The following CTNND2 variants were observed in gnomAD, a reference collection of about 807,000 sequenced individuals.
CTNND2 encodes the protein catenin delta-2.
Under a neutral mutation model 144.4 loss-of-function variants are expected in CTNND2, and 22 were observed. That is an observed-to-expected ratio of 0.15 (90% CI 0.11 to 0.22). CTNND2 has a LOEUF of 0.22. CTNND2 is among the 10% of genes least tolerant of loss of function. The pLI is 1.00. For synonymous variants in CTNND2, 751 were observed against 695.6 expected (o/e 1.08, Z -1.25); for missense variants, 1,353 against 1,618.8 (o/e 0.84, Z 2.82).
At chr5:11,368,491 C>T (rs1757178522) in intron 7 of CTNND2, among the ~76,000 whole-genome samples, 1 of 152,146 alleles carries the variant, frequency 6.6e-6, no homozygotes, top group Non-Finnish European at 1.5e-5. Context: ...GAAGGGACCA[C>T]TGGAGAATGA....
At chr5:11,044,646 C>T (rs1178537980) in intron 16 of CTNND2, among the ~76,000 whole-genome samples, 1 of 151,984 alleles carries the variant, frequency 6.6e-6, no homozygotes, top group African/African-American at 2.4e-5. Context: ...TTAAACAGAG[C>T]TTATGCAGCA....
At chr5:11,836,249 C>G (rs1032093234) in intron 1 of CTNND2, among the ~76,000 whole-genome samples, 2 of 152,072 alleles carry the variant, frequency 1.3e-5, no homozygotes, top group African/African-American at 2.4e-5. Flanking sequence ...CATAAAAAAG[C>G]ATTGGAGACT....
chr5:11,712,466 G>A (rs1231365086), intron 2 of CTNND2, among the ~76,000 whole-genome samples: 2 of 152,034 alleles, frequency 1.3e-5, no homozygotes, highest in African/African-American at 4.8e-5. Context: ...ACAACACTGA[G>A]ACATCAAGAA....
chr5:11,507,516 T>C (rs979670723), intron 3 of CTNND2, among the ~76,000 whole-genome samples: 1 of 152,144 alleles, frequency 6.6e-6, no homozygotes, highest in East Asian at 1.9e-4. Flanking sequence ...TGGTACCACA[T>C]GGGCTCCTAG....
intron 3 of CTNND2, among the ~76,000 whole-genome samples, chr5:11,431,064 T>C (rs964196732): frequency 2.0e-5 from 3 of 152,232 alleles, no homozygotes; most frequent in Admixed American, 1.3e-4. Context: ...AATATCATCA[T>C]ATAAAATAAA....
At chr5:11,061,960 C>A (rs1305033470) in intron 16 of CTNND2, among the ~76,000 whole-genome samples, 3 of 152,148 alleles carry the variant, frequency 2.0e-5, no homozygotes, top group African/African-American at 7.2e-5. Context: ...CTGTCTGCCT[C>A]GGCCTCCCAA....
At chr5:11,266,336 T>C (rs189085624) in intron 9 of CTNND2, among the ~76,000 whole-genome samples, 82 of 152,260 alleles carry the variant, frequency 5.4e-4, no homozygotes, top group South Asian at 1.9e-3. Flanking sequence ...TTATCATAAA[T>C]ACACACAAAA....
chr5:11,796,200 C>A (rs1791392026), intron 1 of CTNND2, among the ~76,000 whole-genome samples: 2 of 152,192 alleles, frequency 1.3e-5, no homozygotes, highest in Admixed American at 1.3e-4. Flanking sequence ...TGAGTAGCAA[C>A]CTCAACTGCA....
At chr5:11,140,076 A>C (rs147060670) in intron 12 of CTNND2, among the ~76,000 whole-genome samples, 1 of 152,226 alleles carries the variant, frequency 6.6e-6, no homozygotes, top group Admixed American at 6.5e-5. Context: ...GGTGTTAGCA[A>C]CCTTAATTCC....
intron 16 of CTNND2, among the ~76,000 whole-genome samples, chr5:11,061,755 C>T (rs1747008175): frequency 6.6e-6 from 1 of 151,934 alleles, no homozygotes; most frequent in Non-Finnish European, 1.5e-5. Context: ...GTCACCTAGG[C>T]TGGAGTACAG....
chr5:11,879,354 T>TATATATATATAC lies in CTNND2; in HGVS notation c.37+24462_37+24463insGTATATATATAT, dbSNP rs1169270632. On this transcript the variant is annotated intron_variant, in intron 1 of 21. Coordinates refer to ENST00000304623, the MANE Select transcript of CTNND2 (RefSeq NM_001332.4). The stretch of plus-strand genomic sequence containing the variant: ...AATTAAATGTGTGTATATATATATA[T>TATATATATATAC]ATACATATACACACACACACAAACA... 1.1e-4 allele frequency among the ~76,000 whole-genome samples: 15 copies of TATATATATATAC among 139,778 alleles called. 1 individual carries two copies. The highest frequency in any genetic ancestry group is 2.8e-4 in the African/African-American group (11 of 39,122). The allele number at this position is 139,778 out of a possible 152,430, so 91.7% of individuals were successfully genotyped here. A position where few individuals can be genotyped will look rare whatever the true frequency, so the allele number is the denominator to read the frequency against.
intron 16 of CTNND2, among the ~76,000 whole-genome samples, chr5:11,080,920 T>C (rs1302182634): frequency 6.6e-6 from 1 of 152,038 alleles, no homozygotes; most frequent in African/African-American, 2.4e-5. Flanking sequence ...CACTAAAAAA[T>C]ACACAAATTA....
intron 1 of CTNND2, among the ~76,000 whole-genome samples, chr5:11,754,781 C>CT (rs1337865573): frequency 6.6e-6 from 1 of 150,586 alleles, no homozygotes; most frequent in Non-Finnish European, 1.5e-5. Context: ...GCAGCCCCTG[C>CT]TTTTTTCTGT....
rs143635483 is a variant in CTNND2, at chr5:11,582,748, G to C, written c.175-17692C>G. Among the ~76,000 whole-genome samples, 428 of 152,258 alleles carry C rather than the reference G, an allele frequency of 2.8e-3. 2 individuals are homozygous for C. The highest frequency in any genetic ancestry group is 9.6e-3 in the African/African-American group (398 of 41,550). ...AGAGGAAGACACCACACACTTCATA[G>C]ACAGCATCATATGGAGCCTGGACCA... On this transcript the variant is annotated intron_variant, in intron 2 of 21. Transcript: ENST00000304623.
rs142629319 is a variant in CTNND2 at position 11,571,683 on chromosome 5, C to T, written c.175-6627G>A. On this transcript the variant is annotated intron_variant, in intron 2 of 21. Transcript: ENST00000304623. ...CCCATGCACCCACACCCCGCACCTT[C>T]GAGAGATTTTCCTGTGTAAATTGGT... Among the ~76,000 whole-genome samples, 547 of 152,220 alleles carry T rather than the reference C, an allele frequency of 3.6e-3. 5 individuals carry two copies. The highest frequency in any genetic ancestry group is 0.013 in the African/African-American group (531 of 41,530).
chr5:11,067,147 C>T (rs1747705376), intron 16 of CTNND2, among the ~76,000 whole-genome samples: 1 of 152,102 alleles, frequency 6.6e-6, no homozygotes, highest in African/African-American at 2.4e-5. Flanking sequence ...GCCTCACATC[C>T]CCTCTATATA....
chr5:11,659,463 G>C (rs1018967929), intron 2 of CTNND2, among the ~76,000 whole-genome samples: 1 of 152,134 alleles, frequency 6.6e-6, no homozygotes, highest in African/African-American at 2.4e-5. Context: ...GTGGACTGTA[G>C]ACTTGAAGGC....
chr5:11,528,777 A>G (rs1353621119), intron 3 of CTNND2, among the ~76,000 whole-genome samples: 1 of 152,206 alleles, frequency 6.6e-6, no homozygotes, highest in Non-Finnish European at 1.5e-5. Context: ...GTGAGCAGCG[A>G]CCTAGCTCTG....
chr5:11,594,697 C>A (rs191414579), intron 2 of CTNND2, among the ~76,000 whole-genome samples: 6 of 152,238 alleles, frequency 3.9e-5, no homozygotes, highest in Admixed American at 6.5e-5. Flanking sequence ...AATATACACA[C>A]ACAAACAAAA....
Sources: allele counts gnomAD v4.1 joint callset (sites outside exome capture counted in the v4.1 genomes callset), GRCh38; gene constraint gnomAD v4.1.1; transcripts MANE v1.5; gene names NCBI Gene and HGNC (gene_info 2026-07-23, HGNC 2026-07-21).